Variants in TMEM63B observed in about 807,000 individuals in gnomAD.
TMEM63B encodes the protein transmembrane protein 63B.
Under a neutral mutation model 102.6 loss-of-function variants are expected in TMEM63B, and 23 were observed. The observed-to-expected ratio is 0.22, with a 90% CI of 0.16 to 0.32. The LOEUF (loss-of-function observed/expected upper bound fraction) is 0.32, where lower values mean the gene tolerates loss of function less well. TMEM63B is among the 10% of genes least tolerant of loss of function. The probability of loss-of-function intolerance (pLI) is 1.00; values close to 1 mark genes in which losing one functional copy is unlikely to be tolerated. For missense variants in TMEM63B, 628 were observed against 1,095.9 expected, an observed-to-expected ratio of 0.57 and a Z score of 6.03; for synonymous variants, 444 against 437.0, an observed-to-expected ratio of 1.02 and a Z score of -0.20.
chr6:44,149,075 CA>C, intron 15 of TMEM63B, 130 bp downstream of exon 15: 6 of 1,425,216 alleles, frequency 4.2e-6, no homozygotes, highest in Admixed American at 1.9e-5. Context: ...AACCAGCTCC[CA>C]AAAACCCCTG....
At chr6:44,143,033 A>G (rs1209127580) in intron 10 of TMEM63B, among the ~76,000 whole-genome samples, 1 of 152,184 alleles carries the variant, frequency 6.6e-6, no homozygotes, top group African/African-American at 2.4e-5. Context: ...GTAAAGAATC[A>G]AGGTTTAATC....
chr6:44,141,162 T>A, intron 10 of TMEM63B, 64 bp downstream of exon 10: 1 of 1,499,410 alleles, frequency 6.7e-7, no homozygotes. Flanking sequence ...GCCTTTGAAC[T>A]CTAAGAACAT....
In TMEM63B at chr6:44,153,731, C is replaced by T; in HGVS notation, c.1998C>T (p.Ala666=). 6.2e-7 allele frequency: 1 copy of T among 1,614,164 alleles called. No homozygotes were observed. Among genetic ancestry groups the T allele is most frequent in the Non-Finnish European group, 8.5e-7 (1 of 1,180,030 alleles). ...HLVDRYNLYY[A]YLPAKLDKKI... ...TAGACAGGTACAATCTCTACTACGC[C>T]TACCTGCCGGCCAAGCTGGACAAGA... Residue 666 remains alanine (A), a synonymous_variant, in exon 21 of 24, where the codon GCC becomes GCT. Transcript: ENST00000323267.
intron 1 of TMEM63B, among the ~76,000 whole-genome samples, chr6:44,130,198 A>G (rs1777996922): frequency 6.6e-6 from 1 of 152,182 alleles, no homozygotes; most frequent in Non-Finnish European, 1.5e-5. Context: ...TGCAGTGGTT[A>G]AGAGCATACA....
At chr6:44,147,666 C>T (rs1561817636) in intron 12 of TMEM63B, among the ~76,000 whole-genome samples, 166 bp downstream of exon 12, 1 of 152,188 alleles carries the variant, frequency 6.6e-6, no homozygotes, top group Non-Finnish European at 1.5e-5. Flanking sequence ...GGTTTTCAAA[C>T]CTCAAATTAG....
In TMEM63B at chr6:44,148,683, G is replaced by A. The variant is rs1169553839; in HGVS notation, c.1259+33G>A. Reference sequence around the variant, plus strand: ...AACAGGTGTCAGGGCAGGCTTTCCAGGGCCTGGGATGGGCTCAGTAGGTAG... The same window carrying A: ...AACAGGTGTCAGGGCAGGCTTTCCAAGGCCTGGGATGGGCTCAGTAGGTAG... On this transcript the variant is annotated intron_variant, in intron 14 of 23. Coordinates refer to ENST00000323267, the MANE Select transcript of TMEM63B (RefSeq NM_018426.3). The surrounding 1 kb of genome is among the most constrained non-coding windows in gnomAD (Gnocchi z 5.1). The A allele has an allele frequency of 1.2e-6, 2 of 1,612,520 alleles. No homozygotes were observed. Among genetic ancestry groups the A allele is most frequent in the East Asian group, 2.2e-5 (1 of 44,838 alleles).
chr6:44,136,353 G>T lies in TMEM63B; in HGVS notation c.283G>T (p.Ala95Ser), dbSNP rs376470724. The T allele has an allele frequency of 6.2e-7, 1 of 1,613,956 alleles. No homozygotes were observed. Among genetic ancestry groups the T allele is most frequent in the East Asian group, 2.2e-5 (1 of 44,870 alleles). Residue 95 changes from alanine to serine, a missense_variant, in exon 5 of 24, where the codon GCT becomes TCT. By Grantham distance (99) the Ala-to-Ser change is moderately conservative. Coordinates refer to ENST00000323267, the MANE Select transcript of TMEM63B (RefSeq NM_018426.3). ...TCTCATCTCCCTCACCCCCAGTGTGGCTTCAGCTATGCACGGGGACAGCCA... is the reference window on the plus strand; with the variant it reads ...TCTCATCTCCCTCACCCCCAGTGTGTCTTCAGCTATGCACGGGGACAGCCA... ...ERDRVEQEYV[A>S]SAMHGDSHDR... is the part of the protein sequence containing the mutation.
Position 44,148,746 on chromosome 6 carries a change from A to G in TMEM63B, c.1260-46A>G, listed in dbSNP as rs542603084. 2 of 1,611,994 alleles carry G rather than the reference A, an allele frequency of 1.2e-6. No individual in the cohort carries two copies. The highest frequency in any genetic ancestry group is 2.7e-5 in the African/African-American group (2 of 74,986). On this transcript the variant is annotated intron_variant, in intron 14 of 23. Coordinates refer to ENST00000323267, the MANE Select transcript of TMEM63B (RefSeq NM_018426.3). The surrounding 1 kb of genome is among the most constrained non-coding windows in gnomAD (Gnocchi z 5.1). ...GAGTGTCTTGGTGTCACTGGGGGCC[A>G]ATCCTGCCCTTGGTTCCTGGACTGA...
rs1766276708 is a variant in TMEM63B, at chr6:44,150,065, A to G, written c.1520+100A>G. ...GCCCTTCAGGCTCCTGGCCCTGGGC[A>G]GTCCCACAGCTGGTAGGGAAGGGGT... On this transcript the variant is annotated intron_variant, in intron 16 of 23. Transcript: ENST00000323267. The surrounding 1 kb of genome is among the most constrained non-coding windows in gnomAD (Gnocchi z 4.7). The G allele has an allele frequency of 5.1e-6, 7 of 1,382,326 alleles. No homozygotes were observed. Among genetic ancestry groups the G allele is most frequent in the Non-Finnish European group, 7.0e-6 (7 of 995,464 alleles). The allele number at this position is 1,382,326 out of a possible 1,614,324, so 85.6% of individuals were successfully genotyped here.
At position 44,137,829 on chromosome 6, in the gene TMEM63B, A is replaced by G. The variant is rs1177916481; in HGVS notation, c.370-651A>G. Among the ~76,000 whole-genome samples the G allele has an allele frequency of 1.4e-4, 22 of 151,772 alleles. No individual in the cohort carries two copies. In the East Asian group the frequency reaches 3.7e-3, roughly 25 times the overall value. ...TTTTCCAGTCTCAGCCTCCCAAGTAACTGGGATTACAGGCGCGCACCACCA... is the reference window on the plus strand; with the variant it reads ...TTTTCCAGTCTCAGCCTCCCAAGTAGCTGGGATTACAGGCGCGCACCACCA... On this transcript the variant is annotated intron_variant, in intron 5 of 23. Coordinates refer to ENST00000323267, the MANE Select transcript of TMEM63B (RefSeq NM_018426.3).
intron 8 of TMEM63B, among the ~76,000 whole-genome samples, 173 bp downstream of exon 8, chr6:44,139,932 C>T (rs963556671): frequency 3.9e-5 from 6 of 152,018 alleles, no homozygotes; most frequent in African/African-American, 1.5e-4. Flanking sequence ...CTGAGGATCC[C>T]CCAAGGATGA....
chr6:44,139,819 TGG>T, intron 8 of TMEM63B, 60 bp downstream of exon 8: 1 of 1,607,444 alleles, frequency 6.2e-7, no homozygotes, highest in South Asian at 1.1e-5. Flanking sequence ...GGCCATGATG[TGG>T]GACAGGGAGG....
At position 44,154,730 on chromosome 6, in the gene TMEM63B, CGGGGAT is replaced by C; in HGVS notation, c.2357_2362del (p.Asp786_Gly787del). The C allele has an allele frequency of 6.3e-7, 1 of 1,581,974 alleles. No individual in the cohort carries two copies. The highest frequency in any genetic ancestry group is 8.6e-7 in the Non-Finnish European group (1 of 1,166,778). On this transcript the variant is annotated inframe_deletion, in exon 24 of 24. Coordinates refer to ENST00000323267, the MANE Select transcript of TMEM63B (RefSeq NM_018426.3). ...AGGTGCTGCAGGACTCAGAGGTGGA[CGGGGAT>C]GGGGATGGGGCTCCTGGGAGCTCAG...
intron 1 of TMEM63B, among the ~76,000 whole-genome samples, chr6:44,131,076 C>T (rs1336987038): frequency 2.6e-5 from 4 of 151,830 alleles, no homozygotes; most frequent in African/African-American, 4.8e-5. Flanking sequence ...TGCCACCACA[C>T]CCAGCTAATT....
At chr6:44,131,836 A>G (rs1202663801) in intron 1 of TMEM63B, among the ~76,000 whole-genome samples, 1 of 152,006 alleles carries the variant, frequency 6.6e-6, no homozygotes, top group African/African-American at 2.4e-5. Context: ...AAAATGCTCC[A>G]TCACTCTCTG....
At chr6:44,149,696 C>T (rs1448563250) in intron 15 of TMEM63B, among the ~76,000 whole-genome samples, 163 bp from the exon 16 acceptor site, 1 of 152,204 alleles carries the variant, frequency 6.6e-6, no homozygotes. Flanking sequence ...ACATATGGCC[C>T]TGGCCCCCAC....
chr6:44,131,355 C>T (rs371338292), intron 1 of TMEM63B, among the ~76,000 whole-genome samples: 1 of 152,120 alleles, frequency 6.6e-6, no homozygotes, highest in East Asian at 1.9e-4. Context: ...TAACAGAGCT[C>T]GCTTCCATCT....
chr6:44,154,260 G>C (rs1037857141), intron 22 of TMEM63B, 72 bp downstream of exon 22: 5 of 1,598,782 alleles, frequency 3.1e-6, no homozygotes, highest in Non-Finnish European at 4.3e-6. Flanking sequence ...GGGCCACAGG[G>C]CTGGCGAGGG....
chr6:44,147,307 A>G, intron 11 of TMEM63B, 70 bp from the exon 12 acceptor site: 1 of 1,611,324 alleles, frequency 6.2e-7, no homozygotes, highest in Non-Finnish European at 8.5e-7. Context: ...TTGGGGAGTG[A>G]GCTAGATGAC....
Sources: gnomAD v4.1 joint callset for allele counts (sites outside exome capture counted in the v4.1 genomes callset) on GRCh38, gnomAD v4.1.1 for gene constraint, Gnocchi (gnomAD v3.1) non-coding constraint, MANE v1.5 for transcripts, NCBI Gene and HGNC (gene_info 2026-07-23, HGNC 2026-07-21) for gene names.